Variants in N4BP2L2 observed in about 807,000 individuals in gnomAD.
N4BP2L2 encodes NEDD4 binding protein 2 like 2, also known as NEDD4-binding protein 2-like 2.
In N4BP2L2, 50 loss-of-function variants were observed where a neutral mutation model predicts 56.2. That is an observed-to-expected ratio of 0.89 (90% CI 0.71 to 1.13). N4BP2L2 has a LOEUF of 1.13. Among genes scored for constraint, N4BP2L2 ranks in the 50% most tolerant of loss-of-function variants. The pLI, the probability that N4BP2L2 is intolerant of heterozygous loss-of-function variation, is 0.00. For synonymous variants in N4BP2L2, 203 were observed against 223.6 expected, an observed-to-expected ratio of 0.91 and a Z score of 0.82; for missense variants, 689 against 693.8, an observed-to-expected ratio of 0.99 and a Z score of 0.08.
intron 6 of N4BP2L2, among the ~76,000 whole-genome samples, chr13:32,472,112 A>G (rs1269562779): frequency 2.0e-5 from 3 of 152,248 alleles, no homozygotes; most frequent in African/African-American, 7.2e-5. Flanking sequence ...CTATAAGACA[A>G]CTGTCCTGAA....
intron 6 of N4BP2L2, among the ~76,000 whole-genome samples, chr13:32,465,092 G>C (rs1354114772): frequency 6.6e-6 from 1 of 151,956 alleles, no homozygotes; most frequent in East Asian, 1.9e-4. Context: ...TCAGCCTCCA[G>C]AGTAGCTGGG....
chr13:32,538,434 GC>G (rs1361352705), intron 1 of N4BP2L2, among the ~76,000 whole-genome samples, 183 bp downstream of exon 1: 4 of 152,130 alleles, frequency 2.6e-5, no homozygotes, highest in Non-Finnish European at 5.9e-5. Flanking sequence ...GCGTCACCCA[GC>G]TTTTTTGTCC....
chr13:32,466,274 C>G (rs9634676), intron 6 of N4BP2L2, among the ~76,000 whole-genome samples: 1 of 152,038 alleles, frequency 6.6e-6, no homozygotes. Flanking sequence ...GCAAAAGAAG[C>G]TAGTCACAGA....
chr13:32,503,060 C>T (rs868346092), intron 6 of N4BP2L2, among the ~76,000 whole-genome samples: 12 of 150,006 alleles, frequency 8.0e-5, no homozygotes, highest in Admixed American at 2.7e-4. Flanking sequence ...GTAATCCCAG[C>T]GACTCGGGAG....
exon 7 of N4BP2L2, chr13:32,444,045 G>A: frequency 6.3e-7 from 1 of 1,596,692 alleles, no homozygotes; most frequent in Non-Finnish European, 8.5e-7. Flanking sequence ...TATTCTGACT[G>A]TTCTGCTTTT....
At chr13:32,479,033 G>T (rs764399432) in intron 6 of N4BP2L2, among the ~76,000 whole-genome samples, 6 of 151,810 alleles carry the variant, frequency 4.0e-5, no homozygotes, top group Non-Finnish European at 7.4e-5. Context: ...TACTCAGGAG[G>T]CTGAGGCAGG....
rs113728835 is a variant in N4BP2L2, at chr13:32,452,012, C to T, written c.366-7886G>A. Among the ~76,000 whole-genome samples the T allele has an allele frequency of 9.1e-3, 1,375 of 151,746 alleles. 28 individuals carry two copies. Among genetic ancestry groups the T allele is most frequent in the African/African-American group, 0.031 (1,287 of 41,370 alleles). ...CACTGCAATCATATGCATAATTTTC[C>T]GGAGAAAAGAAAAAGAAAGAATACC... is the stretch of plus-strand genomic sequence containing the variant. On this transcript the variant is annotated intron_variant, in intron 6 of 9. Transcript: ENST00000357505.
At chr13:32,451,805 T>C (rs1224627408) in intron 6 of N4BP2L2, among the ~76,000 whole-genome samples, 1 of 151,568 alleles carries the variant, frequency 6.6e-6, no homozygotes, top group African/African-American at 2.4e-5. Context: ...CCTGCTGGGA[T>C]TACAGGCCCA....
chr13:32,512,150 T>C (rs1249341304), exon 6 of N4BP2L2: 1 of 152,102 alleles, frequency 6.6e-6, no homozygotes, highest in East Asian at 1.9e-4. Context: ...ATTTCAACCA[T>C]GAAAAACCAC....
At chr13:32,494,609 C>A (rs207641) in intron 6 of N4BP2L2, among the ~76,000 whole-genome samples, 57,252 of 151,094 alleles carry the variant, frequency 0.38, 10,910 homozygotes, top group East Asian at 0.47. Flanking sequence ...TAAAAACACA[C>A]AAAAAAATTA....
intron 6 of N4BP2L2, among the ~76,000 whole-genome samples, chr13:32,467,261 A>AT (rs111268635): frequency 0.014 from 1,944 of 142,240 alleles, 18 homozygotes; most frequent in South Asian, 0.033. Context: ...AGAGAGGGGC[A>AT]TTTTTTTTTT....
intron 6 of N4BP2L2, among the ~76,000 whole-genome samples, chr13:32,474,897 TC>T (rs1221250214): frequency 6.6e-6 from 1 of 152,220 alleles, no homozygotes; most frequent in East Asian, 1.9e-4. Flanking sequence ...GATCCATGCA[TC>T]CATATGTGCA....
intron 6 of N4BP2L2, among the ~76,000 whole-genome samples, chr13:32,465,139 G>GT (rs1762293620): frequency 6.6e-6 from 1 of 151,976 alleles, no homozygotes; most frequent in East Asian, 1.9e-4. Flanking sequence ...GCTAATTTTT[G>GT]TATTTTTAGT....
intron 6 of N4BP2L2, among the ~76,000 whole-genome samples, chr13:32,457,242 T>C (rs1049580676): frequency 1.3e-5 from 2 of 152,140 alleles, no homozygotes; most frequent in African/African-American, 4.8e-5. Flanking sequence ...TGGGACATCA[T>C]GAAATTACTA....
intron 6 of N4BP2L2, among the ~76,000 whole-genome samples, chr13:32,493,573 C>T (rs770765071): frequency 6.6e-6 from 1 of 152,042 alleles, no homozygotes; most frequent in African/African-American, 2.4e-5. Context: ...TGGATGAGTC[C>T]CCCCGCCCCT....
intron 6 of N4BP2L2, among the ~76,000 whole-genome samples, chr13:32,479,525 C>T (rs543098057): frequency 1.3e-5 from 2 of 151,774 alleles, no homozygotes; most frequent in African/African-American, 4.8e-5. Context: ...TCGTGATCCG[C>T]CTGCCTTGAC....
intron 6 of N4BP2L2, among the ~76,000 whole-genome samples, chr13:32,455,217 C>T (rs563751082): frequency 1.3e-5 from 2 of 152,330 alleles, no homozygotes; most frequent in African/African-American, 4.8e-5. Context: ...CTGGTTAAAC[C>T]CAGGGGAGTA....
intron 5 of N4BP2L2, 99 bp downstream of exon 5, chr13:32,521,274 C>T: frequency 1.0e-6 from 1 of 970,008 alleles, no homozygotes; most frequent in East Asian, 2.5e-5. Context: ...CCTCAGTTTC[C>T]TGAACCTACA....
Position 32,487,597 on chromosome 13 carries a change from G to A in N4BP2L2, c.365+30260C>T, listed in dbSNP as rs970117229. Among the ~76,000 whole-genome samples the A allele has an allele frequency of 2.2e-4, 33 of 149,994 alleles. 2 individuals carry two copies. The highest frequency in any genetic ancestry group is 1.6e-3 in the Admixed American group (25 of 15,242). On this transcript the variant is annotated intron_variant, in intron 6 of 9. Coordinates refer to the N4BP2L2 transcript ENST00000357505. The stretch of plus-strand genomic sequence containing the variant: ...TGAGGCAGGACAATCACTTGAACCC[G>A]GGAGGAAGAGGTTGCAGTGAGCCAA...
Sources: allele counts gnomAD v4.1 joint callset (sites outside exome capture counted in the v4.1 genomes callset), GRCh38; gene constraint gnomAD v4.1.1; transcripts MANE v1.5; gene names NCBI Gene and HGNC (gene_info 2026-07-23, HGNC 2026-07-21).